Variants in PLCH2 observed in about 807,000 individuals in gnomAD.
PLCH2 encodes phospholipase C eta 2.
PLCH2 carries 98 observed loss-of-function variants against 134.7 expected under a neutral mutation model. The observed-to-expected ratio is 0.73, with a 90% CI of 0.62 to 0.86. The LOEUF (loss-of-function observed/expected upper bound fraction) is 0.86. PLCH2 is among the 40% of genes least tolerant of loss of function. PLCH2 has a pLI of 0.00. For missense variants in PLCH2, 1,994 were observed against 1,986.6 expected, an observed-to-expected ratio of 1.00 and a Z score of -0.07; for synonymous variants, 974 against 827.5, an observed-to-expected ratio of 1.18 and a Z score of -3.04.
chr1:2,445,007 C>T (rs372934433), intron 2 of PLCH2, among the ~76,000 whole-genome samples: 1 of 152,104 alleles, frequency 6.6e-6, no homozygotes, highest in Non-Finnish European at 1.5e-5. Context: ...AGGCCACTGT[C>T]CTATCTCCTG....
upstream of PLCH2, among the ~76,000 whole-genome samples, chr1:2,465,650 A>G (rs1263589813): frequency 6.6e-6 from 1 of 152,220 alleles, no homozygotes; most frequent in African/African-American, 2.4e-5. Context: ...AAATGCCCAG[A>G]AAAGAGATTT....
At position 2,498,535 on chromosome 1, in the gene PLCH2, C is replaced by A; in HGVS notation, c.2237C>A (p.Pro746His). ...PGCMCQGVFN[P>H]NSEDPLPGQL... is the part of the protein sequence containing the mutation. The stretch of plus-strand genomic sequence containing the variant: ...GGCATCCCCTCAGGCGTGTTCAACC[C>A]CAACTCGGAGGACCCCCTGCCCGGG... Residue 746 changes from proline (P) to histidine (H), a missense_variant, in exon 17 of 22, where the codon CCC becomes CAC. Pro to His is a moderately conservative substitution (Grantham distance 77). Transcript: ENST00000378486. The surrounding 1 kb of genome is among the most constrained non-coding windows in gnomAD (Gnocchi z 5.4). 1 of 1,608,074 alleles carries A rather than the reference C, an allele frequency of 6.2e-7. No homozygotes were observed. The highest frequency in any genetic ancestry group is 1.7e-5 in the Admixed American group (1 of 59,776).
the PLCH2 span, among the ~76,000 whole-genome samples, chr1:2,418,138 G>A: frequency 6.6e-6 from 1 of 152,208 alleles, no homozygotes; most frequent in African/African-American, 2.4e-5. Flanking sequence ...CACCCATCAC[G>A]GCAGGTGCCC....
chr1:2,473,286 A>G (rs1439490653), upstream of PLCH2, among the ~76,000 whole-genome samples: 3 of 152,204 alleles, frequency 2.0e-5, no homozygotes, highest in Non-Finnish European at 4.4e-5. Context: ...GCTTCCCAGC[A>G]GCCACCAGGG....
chr1:2,461,605 C>T (rs1047452137), intron 2 of PLCH2, among the ~76,000 whole-genome samples: 20 of 152,164 alleles, frequency 1.3e-4, no homozygotes, highest in Admixed American at 2.6e-4. Flanking sequence ...CCCTCCAGCC[C>T]GCAACAGGGA....
rs1641889951 is a variant in PLCH2 at position 2,480,262 on chromosome 1, C to T, written c.595C>T (p.His199Tyr). 2 of 1,612,758 alleles carry T rather than the reference C, an allele frequency of 1.2e-6. No homozygotes were observed. The highest frequency in any genetic ancestry group is 1.7e-6 in the Non-Finnish European group (2 of 1,179,816). Residue 199 changes from histidine to tyrosine, a missense_variant, in exon 4 of 22, where the codon CAC becomes TAC. Coordinates refer to ENST00000378486, the MANE Select transcript of PLCH2 (RefSeq NM_014638.4). ...LSIGEVLQLLHKLNVNLPRQR... is the reference protein window; with the variant it reads ...LSIGEVLQLLYKLNVNLPRQR... The stretch of plus-strand genomic sequence containing the variant: ...CATTGGCGAGGTCCTGCAGCTGCTG[C>T]ACAAGCTCAACGTGAACCTGCCCCG...
At chr1:2,456,531 G>T (rs949671065) in intron 2 of PLCH2, among the ~76,000 whole-genome samples, 1 of 152,222 alleles carries the variant, frequency 6.6e-6, no homozygotes, top group Admixed American at 6.5e-5. Flanking sequence ...CTGGGGACGC[G>T]TGAGGTCACC....
chr1:2,498,400 C>T lies in PLCH2; in HGVS notation c.2225-123C>T. 1 of 1,147,408 alleles carries T rather than the reference C, an allele frequency of 8.7e-7. No individual in the cohort carries two copies. Among genetic ancestry groups the T allele is most frequent in the East Asian group, 2.6e-5 (1 of 38,806 alleles). 71.1% of individuals were successfully genotyped at this position (1,147,408 alleles called of 1,614,324 possible). On this transcript the variant is annotated intron_variant, in intron 16 of 21. Transcript: ENST00000378486. The surrounding 1 kb of genome is among the most constrained non-coding windows in gnomAD (Gnocchi z 5.4). ...CCTGGACCACTGCCTCCCTCCCTCCCCCTGGCACCGGCTCCAGTCTCCTAT... is the reference window on the plus strand; with the variant it reads ...CCTGGACCACTGCCTCCCTCCCTCCTCCTGGCACCGGCTCCAGTCTCCTAT...
chr1:2,495,235 A>T (rs1000008176), intron 12 of PLCH2, among the ~76,000 whole-genome samples: 1 of 152,146 alleles, frequency 6.6e-6, no homozygotes, highest in Non-Finnish European at 1.5e-5. Flanking sequence ...TGGCTGGCTC[A>T]CATCCCTTCT....
chr1:2,498,689 G>T lies in PLCH2; in HGVS notation c.2349+42G>T. ...CACAGGCGGGAGGGGTGGGAGTTGG[G>T]GGCGGGCCGGGCATCGCGATGGGCC... is the stretch of plus-strand genomic sequence containing the variant. On this transcript the variant is annotated intron_variant, in intron 17 of 21. Coordinates refer to ENST00000378486, the MANE Select transcript of PLCH2 (RefSeq NM_014638.4). This position sits in a 1 kb window ranked among gnomAD's most constrained non-coding sequence, Gnocchi z 5.4. 6.5e-7 allele frequency: 1 copy of T among 1,532,104 alleles called. No individual in the cohort carries two copies. Among genetic ancestry groups the T allele is most frequent in the East Asian group, 2.4e-5 (1 of 41,982 alleles). 94.9% of individuals were successfully genotyped at this position (1,532,104 alleles called of 1,614,324 possible). A position where few individuals can be genotyped will look rare whatever the true frequency, so the allele number is the denominator to read the frequency against.
intron 4 of PLCH2, among the ~76,000 whole-genome samples, chr1:2,482,488 T>C (rs1464686226): frequency 6.6e-6 from 1 of 152,214 alleles, no homozygotes; most frequent in East Asian, 1.9e-4. Flanking sequence ...ATCTGGTGTG[T>C]GCTGGGCCCA....
At chr1:2,421,313 C>G (rs2100460134), upstream of PLCH2, among the ~76,000 whole-genome samples, 1 of 152,272 alleles carries the variant, frequency 6.6e-6, no homozygotes, top group East Asian at 1.9e-4. Context: ...GTAGTGTGTG[C>G]TGGAGCAGGC....
intron 2 of PLCH2, among the ~76,000 whole-genome samples, chr1:2,443,999 G>C (rs1639818782): frequency 6.6e-6 from 1 of 152,132 alleles, no homozygotes; most frequent in African/African-American, 2.4e-5. Context: ...CCGCTGCGCC[G>C]CTGCCAACCG....
chr1:2,484,515 T>C lies in PLCH2; in HGVS notation c.713T>C (p.Met238Thr), dbSNP rs529133371. ...GAGTTCTGTGCCTTCTACAAGATGA[T>C]GTCCACCCGCCGGGACCTCTACCTG... ...FEEFCAFYKM[M>T]STRRDLYLLM... Residue 238 changes from methionine (M) to threonine (T), a missense_variant, in exon 5 of 22, where the codon ATG becomes ACG. Met to Thr is a moderately conservative substitution (Grantham distance 81, BLOSUM62 -1). Transcript: ENST00000378486. 2 of 1,613,328 alleles carry C rather than the reference T, an allele frequency of 1.2e-6. No homozygotes were observed. The highest frequency in any genetic ancestry group is 1.7e-6 in the Non-Finnish European group (2 of 1,179,798).
intron 3 of PLCH2, 51 bp downstream of exon 3, chr1:2,480,028 G>A (rs1371902937): frequency 6.3e-7 from 1 of 1,587,416 alleles, no homozygotes; most frequent in Non-Finnish European, 8.6e-7. Flanking sequence ...CGGCCCCTTG[G>A]CTGCTCACCC....
At chr1:2,442,879 G>A (rs533374408) in intron 2 of PLCH2, among the ~76,000 whole-genome samples, 1 of 152,358 alleles carries the variant, frequency 6.6e-6, no homozygotes, top group South Asian at 2.1e-4. Flanking sequence ...CCAGAGCTGG[G>A]CAGTCTCTCT....
At chr1:2,429,743 A>C (rs796298318) in intron 1 of PLCH2, among the ~76,000 whole-genome samples, 8 of 152,298 alleles carry the variant, frequency 5.3e-5, no homozygotes, top group African/African-American at 1.7e-4. Context: ...GACACTGGTG[A>C]GACCACAGGG....
Position 2,439,790 on chromosome 1 carries a change from A to G in PLCH2, c.115+9161A>G, listed in dbSNP as rs528350483. Among the ~76,000 whole-genome samples, 5 of 151,978 alleles carry G rather than the reference A, an allele frequency of 3.3e-5. No individual in the cohort carries two copies. Among genetic ancestry groups the G allele is most frequent in the African/African-American group, 4.8e-5 (2 of 41,446 alleles). On this transcript the variant is annotated intron_variant, in intron 2 of 3. Transcript: ENST00000609981. This position sits in a 1 kb window ranked among gnomAD's most constrained non-coding sequence, Gnocchi z 4.7. ...TCAGAGTCCAGCTGGATTCTTCTCC[A>G]CTGAGGAAAGGCATTGCCTGAGAGA...
chr1:2,502,233 G>A lies in PLCH2; in HGVS notation c.2783G>A (p.Arg928His). The A allele has an allele frequency of 1.9e-6, 3 of 1,541,168 alleles. No individual in the cohort carries two copies. The highest frequency in any genetic ancestry group is 2.6e-6 in the Non-Finnish European group (3 of 1,145,120). ...RPSVSQRILRRTASAPTKSQK... is the reference protein window; with the variant it reads ...RPSVSQRILRHTASAPTKSQK... Reference sequence around the variant, plus strand: ...TCCGTTAGCCAGCGGATCCTGCGGCGCACGGCCAGCGCCCCGACCAAGAGC... The same window carrying A: ...TCCGTTAGCCAGCGGATCCTGCGGCACACGGCCAGCGCCCCGACCAAGAGC... The change falls in exon 21 of 22, where the codon CGC (arginine) becomes CAC (histidine). Residue 928 changes from arginine to histidine, a missense_variant. Physicochemically the swap from Arg to His is conservative, Grantham distance 29. This residue lies in a region of PLCH2 where 900 missense variants were observed against 752.3 expected (regional missense o/e 1.20). Transcript: ENST00000378486.
Sources: allele counts gnomAD v4.1 joint callset (sites outside exome capture counted in the v4.1 genomes callset), GRCh38; gene constraint gnomAD v4.1.1; regional missense constraint gnomAD v4.1.1; non-coding constraint Gnocchi (gnomAD v3.1); transcripts MANE v1.5; gene names NCBI Gene and HGNC (gene_info 2026-07-23, HGNC 2026-07-21).